DSC1: variants seen among roughly 807,000 people sequenced by gnomAD.
DSC1 encodes the protein desmocollin 1, also known as desmocollin-1.
DSC1 carries 79 observed loss-of-function variants against 98.8 expected under a neutral mutation model. The observed-to-expected ratio is 0.80, with a 90% CI of 0.67 to 0.96. The LOEUF (loss-of-function observed/expected upper bound fraction) is 0.96, where lower values mean the gene tolerates loss of function less well. DSC1 is among the 50% of genes least tolerant of loss of function. The pLI, the probability that DSC1 is intolerant of heterozygous loss-of-function variation, is 0.00. For missense variants in DSC1, 1,115 were observed against 1,075.9 expected (o/e 1.04, Z -0.51); for synonymous variants, 405 against 372.1 (o/e 1.09, Z -1.02).
chr18:31,148,550 TG>T lies in DSC1; in HGVS notation c.719del (p.Pro240HisfsTer7). 14 of 1,612,158 alleles carry T rather than the reference TG, an allele frequency of 8.7e-6. No individual in the cohort carries two copies. Among genetic ancestry groups the T allele is most frequent in the Non-Finnish European group, 1.2e-5 (14 of 1,178,580 alleles). On this transcript the variant is annotated frameshift_variant, in exon 6 of 16. Coordinates refer to ENST00000257198, the MANE Select transcript of DSC1 (RefSeq NM_024421.2). LOFTEE classifies it high-confidence loss of function. ...AGATAGTCACTCTGTGTTCAAAATA[TG>T]GGGCGTTATCATTATCATCTTCAAT... is the stretch of plus-strand genomic sequence containing the variant. Reference protein sequence around the residue: ...IKIEDDNDNAPYFEHRVTIFT... With the variant: ...IKIEDDNDNAXYFEHRVTIFT...
At chr18:31,130,782 C>T (rs1988470894) in intron 15 of DSC1, 71 bp from the exon 16 acceptor site, 1 of 1,611,536 alleles carries the variant, frequency 6.2e-7, no homozygotes, top group Non-Finnish European at 8.5e-7. Flanking sequence ...AAAATGATGT[C>T]TTTGATTTAC....
chr18:31,139,166 A>C (rs1022905827), intron 11 of DSC1, among the ~76,000 whole-genome samples: 1 of 152,112 alleles, frequency 6.6e-6, no homozygotes, highest in African/African-American at 2.4e-5. Context: ...CCAGATCACT[A>C]CTTTACTATA....
At chr18:31,150,236 A>T (rs142865822) in intron 5 of DSC1, among the ~76,000 whole-genome samples, 12,128 of 112,464 alleles carry the variant, frequency 0.11, 1,254 homozygotes, top group East Asian at 0.43. Flanking sequence ...TACCACCATC[A>T]TCACCACCAC....
intron 15 of DSC1, among the ~76,000 whole-genome samples, chr18:31,131,122 C>T (rs993137188): frequency 2.0e-5 from 3 of 152,092 alleles, no homozygotes; most frequent in African/African-American, 7.2e-5. Context: ...AATATCAAAC[C>T]TATACTGATT....
chr18:31,145,650 G>C lies in DSC1; in HGVS notation c.900C>G (p.Thr300=), dbSNP rs371322023. Reference sequence around the variant, plus strand: ...AAGGTGTAGTTGTGGTGATGACACCGGTATCTGGGTGTATGGAGAAATGCT... The same window carrying C: ...AAGGTGTAGTTGTGGTGATGACACCCGTATCTGGGTGTATGGAGAAATGCT... The part of the protein sequence containing the change: ...HPKHFSIHPD[T]GVITTTTPFL... Residue 300 remains threonine (T), a synonymous_variant, in exon 7 of 16, where the codon ACC becomes ACG. Transcript: ENST00000257198. The C allele has an allele frequency of 6.2e-7, 1 of 1,613,920 alleles. No homozygotes were observed. Among genetic ancestry groups the C allele is most frequent in the Admixed American group, 1.7e-5 (1 of 59,992 alleles).
At chr18:31,146,498 C>A (rs548865789) in intron 6 of DSC1, among the ~76,000 whole-genome samples, 2 of 152,118 alleles carry the variant, frequency 1.3e-5, no homozygotes, top group Non-Finnish European at 2.9e-5. Context: ...TTGAAGGGCA[C>A]GTGGATTCAT....
Position 31,129,419 on chromosome 18 carries a change from G to A in DSC1, c.*1095C>T, listed in dbSNP as rs934766871. ...CGGCTAATTTCTTATATTTTTAGTA[G>A]AGTGGGGGTTTCTCATATACATTCT... On this transcript the variant is annotated 3_prime_UTR_variant, in exon 16 of 16. Coordinates refer to ENST00000257198, the MANE Select transcript of DSC1 (RefSeq NM_024421.2). 6.6e-6 allele frequency: 1 copy of A among 152,026 alleles called. No homozygotes were observed. Among genetic ancestry groups the A allele is most frequent in the Admixed American group, 6.6e-5 (1 of 15,248 alleles). The allele number at this position is 152,026 out of a possible 1,614,324, so 9.4% of individuals were successfully genotyped here.
chr18:31,132,747 T>C, intron 13 of DSC1, 58 bp from the exon 14 acceptor site: 1 of 1,504,274 alleles, frequency 6.6e-7, no homozygotes. Context: ...GATTACATGA[T>C]TTTTTAAAGT....
At position 31,131,840 on chromosome 18, in the gene DSC1, T is replaced by G; in HGVS notation, c.2241A>C (p.Glu747Asp). ...NTEGPGEEVT[E>D]ANIRLPMQTS... ...TCTGCATGGGGAGTCTAATATTTGCTTCCTAAAAGTAAAGTGAGAGTGATA... is the reference window on the plus strand; with the variant it reads ...TCTGCATGGGGAGTCTAATATTTGCGTCCTAAAAGTAAAGTGAGAGTGATA... The change falls in exon 15 of 16, where the codon GAA becomes GAC. Residue 747 changes from glutamate to aspartate, a missense_variant and splice_region_variant. By Grantham distance (45) the Glu-to-Asp change is conservative. Coordinates refer to ENST00000257198, the MANE Select transcript of DSC1 (RefSeq NM_024421.2). 6.2e-7 allele frequency: 1 copy of G among 1,613,602 alleles called. No homozygotes were observed. The highest frequency in any genetic ancestry group is 8.5e-7 in the Non-Finnish European group (1 of 1,179,650).
Position 31,157,531 on chromosome 18 carries a change from G to A in DSC1, c.191C>T (p.Ser64Phe). 1 of 1,614,170 alleles carries A rather than the reference G, an allele frequency of 6.2e-7. No homozygotes were observed. The highest frequency in any genetic ancestry group is 8.5e-7 in the Non-Finnish European group (1 of 1,180,038). The change falls in exon 3 of 16, where the codon TCC (serine) becomes TTC (phenylalanine). Residue 64 changes from serine to phenylalanine, a missense_variant. Coordinates refer to ENST00000257198, the MANE Select transcript of DSC1 (RefSeq NM_024421.2). Reference protein sequence around the residue: ...ECLKSASLIRSSDPAFRILED... With the variant: ...ECLKSASLIRFSDPAFRILED... ...TAGAATTCTGAAGGCAGGGTCACTG[G>A]ACCGGATTAGGCTGGCCGACTTGAG...
intron 5 of DSC1, 73 bp downstream of exon 5, chr18:31,154,701 A>G: frequency 7.9e-7 from 1 of 1,270,864 alleles, no homozygotes; most frequent in Non-Finnish European, 1.1e-6. Context: ...TAATATGTAA[A>G]CAAGCATAGT....
At position 31,158,202 on chromosome 18, in the gene DSC1, G is replaced by T. The variant is rs777848975; in HGVS notation, c.149-629C>A. Among the ~76,000 whole-genome samples the T allele has an allele frequency of 3.0e-4, 46 of 152,238 alleles. No homozygotes were observed. In the Middle Eastern group the frequency reaches 0.02, roughly 68 times the overall value. ...GAATTGCTTGAACCTGGGAGGTGAA[G>T]GTTGCAGTGAGCAGAGATAGCACCA... On this transcript the variant is annotated intron_variant, in intron 2 of 15. Coordinates refer to ENST00000257198, the MANE Select transcript of DSC1 (RefSeq NM_024421.2).
Position 31,130,583 on chromosome 18 carries a change from C to G in DSC1, c.2616G>C (p.Glu872Asp). The G allele has an allele frequency of 1.2e-6, 2 of 1,614,148 alleles. No individual in the cohort carries two copies. Among genetic ancestry groups the G allele is most frequent in the South Asian group, 2.2e-5 (2 of 91,080 alleles). Reference protein sequence around the residue: ...VGCCSDRQEEEGLEFLDHLEP... With the variant: ...VGCCSDRQEEDGLEFLDHLEP... Reference sequence around the variant, plus strand: ...CCAGGTGATCTAGAAACTCCAGTCCCTCTTCTTCCTGCCGATCGCTGCAGC... The same window carrying G: ...CCAGGTGATCTAGAAACTCCAGTCCGTCTTCTTCCTGCCGATCGCTGCAGC... The change falls in exon 16 of 16, where the codon GAG becomes GAC. Residue 872 changes from glutamate to aspartate, a missense_variant. Glu to Asp is a conservative substitution (Grantham distance 45). Transcript: ENST00000257198.
At chr18:31,140,534 T>C (rs887785421) in intron 9 of DSC1, among the ~76,000 whole-genome samples, 3 of 152,228 alleles carry the variant, frequency 2.0e-5, no homozygotes, top group African/African-American at 7.2e-5. Flanking sequence ...TTTTGGAAGA[T>C]CTTGCCTTCG....
chr18:31,156,613 GT>G (rs1389113649), intron 3 of DSC1, among the ~76,000 whole-genome samples: 1 of 152,186 alleles, frequency 6.6e-6, no homozygotes, highest in African/African-American at 2.4e-5. Flanking sequence ...ATTTTACAAT[GT>G]GGATATAAAA....
chr18:31,146,223 C>T (rs980499286), intron 6 of DSC1, among the ~76,000 whole-genome samples: 1 of 152,004 alleles, frequency 6.6e-6, no homozygotes, highest in African/African-American at 2.4e-5. Context: ...TAGTTTTCAG[C>T]CCCTTCCCTC....
At position 31,159,529 on chromosome 18, in the gene DSC1, C is replaced by T; in HGVS notation, c.64G>A (p.Val22Ile). 1 of 1,508,708 alleles carries T rather than the reference C, an allele frequency of 6.6e-7. No individual in the cohort carries two copies. Among genetic ancestry groups the T allele is most frequent in the East Asian group, 2.4e-5 (1 of 41,318 alleles). The allele number at this position is 1,508,708 out of a possible 1,614,324, so 93.5% of individuals were successfully genotyped here. Residue 22 changes from valine (V) to isoleucine (I), a missense_variant and splice_region_variant, in exon 2 of 16, where the codon GTT becomes ATT. Val to Ile is a conservative substitution (Grantham distance 29). Coordinates refer to ENST00000257198, the MANE Select transcript of DSC1 (RefSeq NM_024421.2). Reference protein sequence around the residue: ...FCKQLLFSLLVLTLLCDACQK... With the variant: ...FCKQLLFSLLILTLLCDACQK... ...CAAGCATCGCAAAGTAATGTTAAAA[C>T]CTCAAAAAAAAAAAAAGAAAAAATA...
rs966973746 is a variant in DSC1 at position 31,145,600 on chromosome 18, A to T, written c.939+11T>A. The T allele has an allele frequency of 6.2e-7, 1 of 1,613,504 alleles. No homozygotes were observed. The highest frequency in any genetic ancestry group is 1.1e-5 in the South Asian group (1 of 90,962). On this transcript the variant is annotated intron_variant, in intron 7 of 15. Transcript: ENST00000257198. ...AGTTCAATGACTAGATAGTTAATTA[A>T]TCATCATTACTTCTCTATCCAGAAA...
In DSC1 at chr18:31,143,714, T is replaced by G. The variant is rs1598620134; in HGVS notation, c.1017A>C (p.Thr339=). The G allele has an allele frequency of 6.2e-7, 1 of 1,600,142 alleles. No homozygotes were observed. The highest frequency in any genetic ancestry group is 2.3e-5 in the East Asian group (1 of 44,216). Residue 339 remains threonine (T), a synonymous_variant, in exon 8 of 16, where the codon ACA becomes ACC. Coordinates refer to ENST00000257198, the MANE Select transcript of DSC1 (RefSeq NM_024421.2). ...GQPFGLFNTG[T]ITISLEDEND... ...TTTCATCCTCAAGTGAAATAGTAAT[T>G]GTTCCTGTATTAAATAAACCGAAAG... is the stretch of plus-strand genomic sequence containing the variant.
Sources: gnomAD v4.1 joint callset for allele counts (sites outside exome capture counted in the v4.1 genomes callset) on GRCh38, gnomAD v4.1.1 for gene constraint, MANE v1.5 for transcripts, NCBI Gene and HGNC (gene_info 2026-07-23, HGNC 2026-07-21) for gene names.